Variants in MTRF1 observed in about 807,000 individuals in gnomAD.
MTRF1 encodes peptide chain release factor 1, mitochondrial.
A neutral mutation model predicts 62.9 loss-of-function variants in MTRF1; 51 were observed. That is an observed-to-expected ratio of 0.81 (90% CI 0.65 to 1.02). MTRF1 has a LOEUF of 1.02. Ranked by LOEUF, MTRF1 falls within the 50% of genes least tolerant of loss-of-function variation. The probability of loss-of-function intolerance (pLI) is 0.00; values close to 1 mark genes in which losing one functional copy is unlikely to be tolerated. For synonymous variants in MTRF1, 158 were observed against 181.9 expected, an observed-to-expected ratio of 0.87 and a Z score of 1.06; for missense variants, 446 against 530.0, an observed-to-expected ratio of 0.84 and a Z score of 1.56.
At chr13:41,310,747 A>G in the MTRF1 span, among the ~76,000 whole-genome samples, 1 of 152,234 alleles carries the variant, frequency 6.6e-6, no homozygotes, top group South Asian at 2.1e-4. Context: ...GCTTCTACTT[A>G]GAGTCTGAAT....
chr13:41,252,493 G>T, intron 5 of MTRF1, 152 bp downstream of exon 5: 1 of 517,360 alleles, frequency 1.9e-6, no homozygotes, highest in Non-Finnish European at 3.4e-6. Context: ...TGCTATAATA[G>T]TAAGCCACTG....
intron 5 of MTRF1, among the ~76,000 whole-genome samples, chr13:41,250,960 GAAT>G (rs2038989096): frequency 6.6e-6 from 1 of 152,266 alleles, no homozygotes; most frequent in South Asian, 2.1e-4. Context: ...TGTCAGAATA[GAAT>G]AATGGGATAT....
At chr13:41,258,378 T>C (rs1051790190) in intron 2 of MTRF1, among the ~76,000 whole-genome samples, 1 of 152,132 alleles carries the variant, frequency 6.6e-6, no homozygotes, top group African/African-American at 2.4e-5. Context: ...ATTAAACTTT[T>C]CTCTCAACTT....
the MTRF1 span, chr13:41,311,494 T>A: frequency 6.4e-7 from 1 of 1,572,688 alleles, no homozygotes; most frequent in South Asian, 1.2e-5. Flanking sequence ...GCACCTAGCC[T>A]CCCTGCCGGC....
chr13:41,274,749 C>G, the MTRF1 span, among the ~76,000 whole-genome samples: 2 of 151,632 alleles, frequency 1.3e-5, no homozygotes, highest in Non-Finnish European at 2.9e-5. Context: ...GATTCTTGTG[C>G]CTCACCCTCC....
chr13:41,255,444 C>T (rs1329240349), intron 2 of MTRF1, among the ~76,000 whole-genome samples: 1 of 152,148 alleles, frequency 6.6e-6, no homozygotes, highest in Non-Finnish European at 1.5e-5. Context: ...GTAATCCCAG[C>T]ACTTTGGGAG....
chr13:41,311,934 ATCC>A, the MTRF1 span, among the ~76,000 whole-genome samples: 3 of 152,036 alleles, frequency 2.0e-5, no homozygotes, highest in Admixed American at 2.0e-4. Context: ...CCCCTCAGGG[ATCC>A]TCCCCCGGTG....
the MTRF1 span, among the ~76,000 whole-genome samples, chr13:41,279,501 T>C: frequency 2.0e-5 from 3 of 152,172 alleles, no homozygotes; most frequent in Non-Finnish European, 4.4e-5. Flanking sequence ...CCTGGAAGCC[T>C]CCCTTCTAGT....
chr13:41,282,889 G>C, the MTRF1 span, among the ~76,000 whole-genome samples: 2 of 152,214 alleles, frequency 1.3e-5, no homozygotes, highest in African/African-American at 4.8e-5. Flanking sequence ...CTGCCTGACT[G>C]TGTGGCCAGG....
chr13:41,273,063 A>C, the MTRF1 span, among the ~76,000 whole-genome samples: 2 of 152,164 alleles, frequency 1.3e-5, no homozygotes, highest in African/African-American at 4.8e-5. Flanking sequence ...ATGGTGGCTC[A>C]CGTCTGTAAT....
chr13:41,302,533 TA>T, the MTRF1 span, among the ~76,000 whole-genome samples: 1 of 150,842 alleles, frequency 6.6e-6, no homozygotes. Context: ...GATTTTTTTT[TA>T]AATTTTTTTT....
At chr13:41,299,103 G>GT in the MTRF1 span, among the ~76,000 whole-genome samples, 7 of 30,840 alleles carry the variant, frequency 2.3e-4, no homozygotes. Context: ...ACTTCAACCT[G>GT]GGTGTGTGTG....
chr13:41,246,881 GT>G (rs1473069656), intron 5 of MTRF1, among the ~76,000 whole-genome samples: 1 of 152,210 alleles, frequency 6.6e-6, no homozygotes, highest in Non-Finnish European at 1.5e-5. Flanking sequence ...GGCTATCTGA[GT>G]TCAAATTTCA....
At position 41,223,326 on chromosome 13, in the gene MTRF1, A is replaced by G. The variant is rs756216716; in HGVS notation, c.1154T>C (p.Ile385Thr). 16 of 1,614,070 alleles carry G rather than the reference A, an allele frequency of 9.9e-6. No individual in the cohort carries two copies. Among genetic ancestry groups the G allele is most frequent in the Non-Finnish European group, 1.4e-5 (16 of 1,179,976 alleles). Residue 385 changes from isoleucine (I) to threonine (T), a missense_variant, in exon 9 of 10, where the codon ATT becomes ACT. Ile to Thr is a moderately conservative substitution (Grantham distance 89, BLOSUM62 -1). Transcript: ENST00000379480. ...QVGTRAQSERIRTYNFTQDRV... is the reference protein window; with the variant it reads ...QVGTRAQSERTRTYNFTQDRV... ...ATCCTGGGTGAAATTATATGTCCGA[A>G]TTCGCTCTGACTGGGCTCTTGTTCC...
intron 5 of MTRF1, among the ~76,000 whole-genome samples, chr13:41,249,619 C>CTTTTTTTTTTTTTTTTTTTTTTT (rs1166204914): frequency 9.8e-5 from 6 of 61,534 alleles, no homozygotes; most frequent in African/African-American, 1.4e-4. Flanking sequence ...ATTTTTTTTT[C>CTTTTTTTTTTTTTTTTTTTTTTT]TTTTTTTTTT....
At chr13:41,263,401 G>T in intron 1 of MTRF1, 84 bp downstream of exon 1, 1 of 722,426 alleles carries the variant, frequency 1.4e-6, no homozygotes, top group Non-Finnish European at 2.1e-6. Context: ...GGCAAACCAT[G>T]CTGTGTAACT....
intron 2 of MTRF1, among the ~76,000 whole-genome samples, chr13:41,256,977 C>T (rs1422831461): frequency 6.6e-6 from 1 of 152,088 alleles, no homozygotes; most frequent in Non-Finnish European, 1.5e-5. Context: ...TAATACAAAA[C>T]AGAGAAAGGT....
At chr13:41,289,801 T>C in the MTRF1 span, among the ~76,000 whole-genome samples, 1 of 152,188 alleles carries the variant, frequency 6.6e-6, no homozygotes, top group African/African-American at 2.4e-5. Context: ...GGCCCAATTC[T>C]TCTCCATGAC....
At chr13:41,307,315 C>T in the MTRF1 span, among the ~76,000 whole-genome samples, 1 of 152,106 alleles carries the variant, frequency 6.6e-6, no homozygotes, top group African/African-American at 2.4e-5. Flanking sequence ...TGAGTTCTCA[C>T]GATCTAGTTG....
Sources: gnomAD v4.1 joint callset for allele counts (sites outside exome capture counted in the v4.1 genomes callset) on GRCh38, gnomAD v4.1.1 for gene constraint, MANE v1.5 for transcripts, NCBI Gene and HGNC (gene_info 2026-07-23, HGNC 2026-07-21) for gene names.